The following LINGO2 variants were observed in gnomAD, a reference collection of about 807,000 sequenced individuals.
The protein encoded by LINGO2 is leucine-rich repeat and immunoglobulin-like domain-containing nogo receptor-interacting protein 2.
Under a neutral mutation model 30.6 loss-of-function variants are expected in LINGO2, and 14 were observed. The observed-to-expected ratio is 0.46, with a 90% CI of 0.30 to 0.72. The LOEUF (loss-of-function observed/expected upper bound fraction) is 0.72. LINGO2 is among the 30% of genes least tolerant of loss of function. LINGO2 has a pLI of 0.07. For missense variants in LINGO2, 729 were observed against 751.7 expected (o/e 0.97, Z 0.35); for synonymous variants, 317 against 288.5 (o/e 1.10, Z -1.00).
the LINGO2 span, among the ~76,000 whole-genome samples, chr9:28,976,199 A>T: frequency 6.6e-6 from 1 of 152,166 alleles, no homozygotes; most frequent in Non-Finnish European, 1.5e-5. Flanking sequence ...CTGCTTTCTC[A>T]GTTTCCAATA....
intron 1 of LINGO2, among the ~76,000 whole-genome samples, chr9:28,632,619 T>A (rs1827002116): frequency 7.3e-6 from 1 of 136,972 alleles, no homozygotes; most frequent in Non-Finnish European, 1.6e-5. Context: ...ATATTATCTA[T>A]ATATTTATAT....
At chr9:29,093,950 T>C in the LINGO2 span, among the ~76,000 whole-genome samples, 6 of 138,504 alleles carry the variant, frequency 4.3e-5, no homozygotes, top group South Asian at 1.4e-3. Context: ...ACAAACTTGA[T>C]TTATTGACTT....
chr9:28,211,553 T>G (rs1384619125), intron 4 of LINGO2, among the ~76,000 whole-genome samples: 1 of 151,478 alleles, frequency 6.6e-6, no homozygotes, highest in Non-Finnish European at 1.5e-5. Flanking sequence ...TTGATTACTC[T>G]AAGCCTGAGA....
the LINGO2 span, among the ~76,000 whole-genome samples, chr9:29,012,305 C>A: frequency 6.6e-6 from 1 of 152,000 alleles, no homozygotes; most frequent in Non-Finnish European, 1.5e-5. Flanking sequence ...CTGCAGTGAG[C>A]TGAGATCACA....
At chr9:29,059,154 A>T in the LINGO2 span, among the ~76,000 whole-genome samples, 9 of 151,922 alleles carry the variant, frequency 5.9e-5, no homozygotes, top group Non-Finnish European at 1.3e-4. Flanking sequence ...AAATGGAGAC[A>T]TATGCAATAT....
intron 4 of LINGO2, among the ~76,000 whole-genome samples, chr9:28,175,277 A>AC (rs1304189262): frequency 3.3e-5 from 5 of 152,110 alleles, no homozygotes. Context: ...TTTCTCAGGC[A>AC]AATGCAGGTG....
intron 5 of LINGO2, among the ~76,000 whole-genome samples, chr9:27,985,572 C>A (rs973842230): frequency 1.4e-5 from 2 of 138,310 alleles, no homozygotes; most frequent in Non-Finnish European, 3.0e-5. Context: ...GATTTTTTGA[C>A]ATTAATTAGC....
chr9:28,776,065 T>C, the LINGO2 span, among the ~76,000 whole-genome samples: 1 of 152,252 alleles, frequency 6.6e-6, no homozygotes, highest in Middle Eastern at 3.4e-3. Context: ...AGTAGGTTTG[T>C]TTATTAACAA....
At chr9:29,041,101 G>A in the LINGO2 span, among the ~76,000 whole-genome samples, 1 of 151,876 alleles carries the variant, frequency 6.6e-6, no homozygotes, top group African/African-American at 2.4e-5. Flanking sequence ...AACACAGATG[G>A]TTACAGATTT....
At chr9:28,002,410 A>G (rs1209850588) in intron 5 of LINGO2, among the ~76,000 whole-genome samples, 1 of 152,060 alleles carries the variant, frequency 6.6e-6, no homozygotes, top group Non-Finnish European at 1.5e-5. Context: ...CAATTTATTT[A>G]TTTTTCTATT....
chr9:28,908,760 T>C, the LINGO2 span, among the ~76,000 whole-genome samples: 3 of 152,072 alleles, frequency 2.0e-5, no homozygotes, highest in East Asian at 5.8e-4. Flanking sequence ...CTGTCAGTTA[T>C]TTTTATTTAG....
At chr9:28,930,498 T>A in the LINGO2 span, among the ~76,000 whole-genome samples, 1 of 152,160 alleles carries the variant, frequency 6.6e-6, no homozygotes, top group Non-Finnish European at 1.5e-5. The surrounding 1 kb of genome is among the most constrained non-coding windows in gnomAD (Gnocchi z 4.2). Flanking sequence ...ATTGACTATG[T>A]GATAAGAATT....
chr9:28,549,397 G>A (rs1310982409), intron 1 of LINGO2, among the ~76,000 whole-genome samples: 1 of 151,962 alleles, frequency 6.6e-6, no homozygotes, highest in Non-Finnish European at 1.5e-5. Flanking sequence ...TTTCTTGCCT[G>A]TCTAACTAAA....
intron 2 of LINGO2, among the ~76,000 whole-genome samples, chr9:28,434,825 T>C (rs1587669454): frequency 1.3e-5 from 2 of 152,282 alleles, no homozygotes; most frequent in East Asian, 1.9e-4. Flanking sequence ...TCTATTGTTT[T>C]TAAAAGGTTT....
At chr9:28,229,128 G>C (rs932333959) in intron 4 of LINGO2, among the ~76,000 whole-genome samples, 1 of 151,666 alleles carries the variant, frequency 6.6e-6, no homozygotes, top group Non-Finnish European at 1.5e-5. Context: ...TTCTTTGACT[G>C]AACTTCTAAA....
intron 1 of LINGO2, among the ~76,000 whole-genome samples, chr9:28,552,607 A>G (rs1202411945): frequency 6.6e-6 from 1 of 151,846 alleles, no homozygotes; most frequent in African/African-American, 2.4e-5. Flanking sequence ...TATTCATTAT[A>G]AAAGCATATG....
At chr9:28,988,458 T>A in the LINGO2 span, among the ~76,000 whole-genome samples, 2 of 152,152 alleles carry the variant, frequency 1.3e-5, no homozygotes, top group African/African-American at 4.8e-5. Context: ...CAGCATATAG[T>A]GGAGTCTTTA....
chr9:28,247,831 C>T (rs1269049614), intron 4 of LINGO2, among the ~76,000 whole-genome samples: 1 of 152,092 alleles, frequency 6.6e-6, no homozygotes, highest in African/African-American at 2.4e-5. Flanking sequence ...AGAAGACATA[C>T]AAATGGCAAA....
chr9:28,289,443 G>A (rs991479918), intron 4 of LINGO2, among the ~76,000 whole-genome samples: 19 of 152,128 alleles, frequency 1.2e-4, no homozygotes, highest in East Asian at 3.9e-4. Flanking sequence ...GAAGTTTTGC[G>A]TTATAATACT....
Sources: allele counts gnomAD v4.1 joint callset (sites outside exome capture counted in the v4.1 genomes callset), GRCh38; gene constraint gnomAD v4.1.1; non-coding constraint Gnocchi (gnomAD v3.1); transcripts MANE v1.5; gene names NCBI Gene and HGNC (gene_info 2026-07-23, HGNC 2026-07-21).